Variants in ATP8A1 observed in about 807,000 individuals in gnomAD.
ATP8A1 encodes the protein phospholipid-transporting ATPase IA.
In ATP8A1, 90 loss-of-function variants were observed where a neutral mutation model predicts 177.7. That is an observed-to-expected ratio of 0.51 (90% confidence interval 0.43 to 0.60). The LOEUF (loss-of-function observed/expected upper bound fraction) is 0.60, where lower values mean the gene tolerates loss of function less well. Ranked by LOEUF, ATP8A1 falls within the 20% of genes least tolerant of loss-of-function variation. The probability of loss-of-function intolerance (pLI) is 0.00; values close to 1 mark genes in which losing one functional copy is unlikely to be tolerated. For missense variants in ATP8A1, 1,072 were observed against 1,392.8 expected (o/e 0.77, Z 3.67); for synonymous variants, 493 against 485.9 (o/e 1.01, Z -0.19).
intron 33 of ATP8A1, among the ~76,000 whole-genome samples, chr4:42,441,450 C>T (rs952388446): frequency 6.6e-6 from 1 of 152,002 alleles, no homozygotes; most frequent in African/African-American, 2.4e-5. Flanking sequence ...TTGAAATTAA[C>T]TGAGTTGTAA....
At chr4:42,555,675 T>C (rs1560455775) in intron 16 of ATP8A1, among the ~76,000 whole-genome samples, 1 of 151,942 alleles carries the variant, frequency 6.6e-6, no homozygotes, top group South Asian at 2.1e-4. Flanking sequence ...ATACAAAAAT[T>C]AGCCGGGTGT....
At chr4:42,531,119 C>T (rs1727219246) in intron 20 of ATP8A1, among the ~76,000 whole-genome samples, 1 of 152,200 alleles carries the variant, frequency 6.6e-6, no homozygotes, top group Non-Finnish European at 1.5e-5. Context: ...AATCAGTCTA[C>T]TGCTCCATAA....
intron 33 of ATP8A1, among the ~76,000 whole-genome samples, chr4:42,443,106 T>G (rs1454793181): frequency 6.6e-6 from 1 of 152,196 alleles, no homozygotes; most frequent in Non-Finnish European, 1.5e-5. Flanking sequence ...ACCAAACTGA[T>G]GTCATTAGGA....
intron 33 of ATP8A1, among the ~76,000 whole-genome samples, chr4:42,441,551 C>T (rs1177093550): frequency 6.6e-6 from 1 of 151,904 alleles, no homozygotes; most frequent in Non-Finnish European, 1.5e-5. Context: ...AGCCTAATGC[C>T]CAAGAAACAG....
intron 20 of ATP8A1, among the ~76,000 whole-genome samples, chr4:42,535,906 C>T (rs950771087): frequency 3.9e-5 from 6 of 152,100 alleles, no homozygotes; most frequent in Admixed American, 2.0e-4. Flanking sequence ...TAAAAAATGA[C>T]TTGAACTGAA....
At chr4:42,493,469 T>C (rs1249817254) in intron 24 of ATP8A1, among the ~76,000 whole-genome samples, 1 of 152,226 alleles carries the variant, frequency 6.6e-6, no homozygotes, top group East Asian at 1.9e-4. Context: ...CTTGGGCAGC[T>C]ACGTGAGCTT....
intron 35 of ATP8A1, among the ~76,000 whole-genome samples, chr4:42,422,573 T>C (rs181941500): frequency 4.0e-4 from 61 of 152,306 alleles, no homozygotes; most frequent in Non-Finnish European, 7.1e-4. Flanking sequence ...GTAGGTATTA[T>C]TGCCCCCATT....
chr4:42,583,605 A>G (rs1733326936), intron 9 of ATP8A1, among the ~76,000 whole-genome samples: 2 of 152,210 alleles, frequency 1.3e-5, no homozygotes, highest in South Asian at 4.1e-4. Flanking sequence ...AGAATTAGTT[A>G]GTTTTCATCA....
chr4:42,588,430 A>G, intron 7 of ATP8A1, 101 bp from the exon 8 acceptor site: 1 of 918,564 alleles, frequency 1.1e-6, no homozygotes, highest in East Asian at 2.6e-5. Flanking sequence ...TTCGTTCTAG[A>G]CAAAGTAATA....
At chr4:42,555,427 G>T (rs1237537961) in intron 16 of ATP8A1, among the ~76,000 whole-genome samples, 1 of 152,078 alleles carries the variant, frequency 6.6e-6, no homozygotes, top group Non-Finnish European at 1.5e-5. Flanking sequence ...AATTTGAAAA[G>T]ACAGAATATT....
chr4:42,645,765 TAA>T (rs1740462073), intron 1 of ATP8A1, among the ~76,000 whole-genome samples: 1 of 152,002 alleles, frequency 6.6e-6, no homozygotes. Flanking sequence ...ACAATGAAAA[TAA>T]AGTTAGGAAA....
Position 42,552,973 on chromosome 4 carries a change from G to A in ATP8A1, c.1414-363C>T, listed in dbSNP as rs146155891. Among the ~76,000 whole-genome samples the A allele has an allele frequency of 1.3e-3, 204 of 152,314 alleles. 1 individual carries two copies. Among genetic ancestry groups the A allele is most frequent in the African/African-American group, 4.7e-3 (195 of 41,566 alleles). On this transcript the variant is annotated intron_variant, in intron 16 of 36. Coordinates refer to ENST00000381668, the MANE Select transcript of ATP8A1 (RefSeq NM_006095.2). ...TGTACTCTAGCCAGGACAAGAGAGT[G>A]AGACTCCGTCTCAAAACAAAACAAA...
At chr4:42,617,781 G>A (rs1021602061) in intron 4 of ATP8A1, among the ~76,000 whole-genome samples, 3 of 152,122 alleles carry the variant, frequency 2.0e-5, no homozygotes, top group South Asian at 2.1e-4. Context: ...CATCTACAGC[G>A]AACTCTTGCA....
chr4:42,626,962 G>A (rs1738167793), intron 2 of ATP8A1, 33 bp downstream of exon 2: 2 of 1,524,578 alleles, frequency 1.3e-6, no homozygotes, highest in Non-Finnish European at 1.8e-6. Flanking sequence ...TGCTCTGCTG[G>A]CTGGTCTCAT....
chr4:42,648,596 GA>G (rs1560562282), intron 1 of ATP8A1, among the ~76,000 whole-genome samples: 1 of 151,276 alleles, frequency 6.6e-6, no homozygotes, highest in Non-Finnish European at 1.5e-5. Flanking sequence ...AGTACTAAAA[GA>G]AAAATATAAT....
In ATP8A1 at chr4:42,446,725, C is replaced by T. The variant is rs139526135; in HGVS notation, c.2897-81G>A. On this transcript the variant is annotated intron_variant, in intron 30 of 36. Transcript: ENST00000381668. ...TTCAAAGATATTCAGAAAGTTTGAA[C>T]GAAGGAAGGGAAATCAAGGGATACA... 7,424 of 1,322,742 alleles carry T rather than the reference C, an allele frequency of 5.6e-3. 36 individuals carry two copies. The highest frequency in any genetic ancestry group is 7.8e-3 in the South Asian group (622 of 79,702). 81.9% of individuals were successfully genotyped at this position (1,322,742 alleles called of 1,614,324 possible).
At chr4:42,524,246 CA>C (rs893039725) in intron 21 of ATP8A1, among the ~76,000 whole-genome samples, 33 of 152,294 alleles carry the variant, frequency 2.2e-4, no homozygotes, top group African/African-American at 7.7e-4. Flanking sequence ...AGGCCTCACA[CA>C]GAGCCTGGCG....
intron 33 of ATP8A1, among the ~76,000 whole-genome samples, chr4:42,430,675 C>T (rs6847261): frequency 0.41 from 61,845 of 151,882 alleles, 12,829 homozygotes; most frequent in Admixed American, 0.46. Flanking sequence ...CTCCCCTCTA[C>T]GTGTCCATGT....
intron 23 of ATP8A1, among the ~76,000 whole-genome samples, chr4:42,504,427 TC>T (rs1724160744): frequency 6.6e-6 from 1 of 152,238 alleles, no homozygotes; most frequent in Admixed American, 6.5e-5. Context: ...GGTAATTCCA[TC>T]CTTCGGATGC....
Sources: allele counts gnomAD v4.1 joint callset (sites outside exome capture counted in the v4.1 genomes callset), GRCh38; gene constraint gnomAD v4.1.1; transcripts MANE v1.5; gene names NCBI Gene and HGNC (gene_info 2026-07-23, HGNC 2026-07-21).